Variants in CNBD1 observed in about 807,000 individuals in gnomAD.
CNBD1 encodes cyclic nucleotide binding domain containing 1, also known as cyclic nucleotide-binding domain-containing protein 1.
In CNBD1, 71 loss-of-function variants were observed where a neutral mutation model predicts 54.4. The observed-to-expected ratio is 1.30, with a 90% CI of 1.08 to 1.59. The LOEUF (loss-of-function observed/expected upper bound fraction) is 1.59, where lower values mean the gene tolerates loss of function less well. CNBD1 is among the 40% of genes most tolerant of loss of function. The probability of loss-of-function intolerance (pLI) is 0.00; values close to 1 mark genes in which losing one functional copy is unlikely to be tolerated. For synonymous variants in CNBD1, 182 were observed against 170.7 expected (o/e 1.07, Z -0.51); for missense variants, 659 against 518.0 (o/e 1.27, Z -2.64).
At chr8:87,060,982 C>A (rs762588454) in intron 4 of CNBD1, among the ~76,000 whole-genome samples, 1 of 152,186 alleles carries the variant, frequency 6.6e-6, no homozygotes, top group African/African-American at 2.4e-5. Context: ...CAACTCAGGA[C>A]TGACCCTCAG....
chr8:87,026,364 T>TCTCC (rs376248979), intron 4 of CNBD1, among the ~76,000 whole-genome samples: 45 of 146,494 alleles, frequency 3.1e-4, no homozygotes, highest in African/African-American at 1.1e-3. Flanking sequence ...TCCCTCCCTC[T>TCTCC]CTCCCTCCCT....
chr8:87,052,583 A>G (rs1007935888), intron 4 of CNBD1, among the ~76,000 whole-genome samples: 14 of 152,314 alleles, frequency 9.2e-5, no homozygotes, highest in East Asian at 1.9e-4. Flanking sequence ...CCTGTTGGAA[A>G]TGGAGTTTCT....
chr8:86,914,122 A>G (rs969353481), intron 3 of CNBD1, among the ~76,000 whole-genome samples: 1 of 152,164 alleles, frequency 6.6e-6, no homozygotes, highest in Non-Finnish European at 1.5e-5. Flanking sequence ...GTTCAAACAC[A>G]CATGCTTTAC....
At chr8:87,237,353 A>T (rs1378862448) in intron 6 of CNBD1, 3 of 316,154 alleles carry the variant, frequency 9.5e-6, no homozygotes, top group Non-Finnish European at 1.7e-5. Flanking sequence ...GGTAACAGAC[A>T]AGGTTGATGT....
intron 4 of CNBD1, among the ~76,000 whole-genome samples, chr8:86,995,031 G>C (rs1447289763): frequency 6.6e-6 from 1 of 152,116 alleles, no homozygotes; most frequent in South Asian, 2.1e-4. Flanking sequence ...GGAACAACTT[G>C]TATGAGGATC....
At chr8:87,392,846 C>A (rs781632395) in intron 2 of CNBD1, among the ~76,000 whole-genome samples, 2 of 151,918 alleles carry the variant, frequency 1.3e-5, no homozygotes, top group Non-Finnish European at 2.9e-5. Flanking sequence ...AATATTTTTT[C>A]TAAGAGATGA....
At chr8:87,140,225 C>A (rs954180768) in intron 4 of CNBD1, among the ~76,000 whole-genome samples, 2 of 152,112 alleles carry the variant, frequency 1.3e-5, no homozygotes, top group African/African-American at 2.4e-5. Context: ...CTCTCTCTCT[C>A]TCTCTGTCTC....
chr8:87,079,166 T>G (rs1387121030), intron 4 of CNBD1, among the ~76,000 whole-genome samples: 1 of 152,146 alleles, frequency 6.6e-6, no homozygotes, highest in Non-Finnish European at 1.5e-5. Flanking sequence ...GATTTTAATG[T>G]CATCCAAGTT....
intron 4 of CNBD1, among the ~76,000 whole-genome samples, chr8:87,046,251 A>G (rs927467554): frequency 1.3e-5 from 2 of 152,168 alleles, no homozygotes; most frequent in Non-Finnish European, 2.9e-5. Flanking sequence ...GAGAAATACC[A>G]GCAAATCAAA....
chr8:86,866,661 G>C, intron 1 of CNBD1, 78 bp downstream of exon 1: 1 of 1,009,740 alleles, frequency 9.9e-7, no homozygotes. Context: ...TGAAAATTGG[G>C]GGTATTTCAG....
At chr8:87,037,605 T>A (rs565014151) in intron 4 of CNBD1, among the ~76,000 whole-genome samples, 4 of 152,282 alleles carry the variant, frequency 2.6e-5, no homozygotes, top group Non-Finnish European at 5.9e-5. Context: ...ACTGAATTTA[T>A]ACTTCTACCA....
chr8:87,399,933 G>A (rs891658769), intron 2 of CNBD1, among the ~76,000 whole-genome samples: 4 of 151,962 alleles, frequency 2.6e-5, no homozygotes, highest in East Asian at 1.9e-4. Context: ...AGAAGGAAGA[G>A]CAATGACATC....
At chr8:87,196,211 G>A (rs747711037) in intron 4 of CNBD1, among the ~76,000 whole-genome samples, 2 of 152,190 alleles carry the variant, frequency 1.3e-5, no homozygotes, top group East Asian at 1.9e-4. Flanking sequence ...CTAGGAGGGG[G>A]AACTAAACTT....
At chr8:87,327,245 T>C (rs1378640553) in intron 8 of CNBD1, among the ~76,000 whole-genome samples, 1 of 147,762 alleles carries the variant, frequency 6.8e-6, no homozygotes, top group Admixed American at 6.7e-5. Flanking sequence ...CAGAGGTTAC[T>C]GCTGTCTTTT....
At chr8:87,189,730 C>CAATTTCTGGAAAATTTCTGGAA (rs1813558934) in intron 4 of CNBD1, among the ~76,000 whole-genome samples, 1 of 152,148 alleles carries the variant, frequency 6.6e-6, no homozygotes, top group African/African-American at 2.4e-5. Context: ...TGACCAAACC[C>CAATTTCTGGAAAATTTCTGGAA]AATTTCTGGA....
rs187231182 is a variant in CNBD1, at chr8:87,339,357, A to G, written c.1043-12328A>G. ...AAGCTCCAACAATTTGTCAGTTACA[A>G]TTCAGGTTTCCCTACGCTCGCGTCA... On this transcript the variant is annotated intron_variant, in intron 8 of 10. Transcript: ENST00000518476. Among the ~76,000 whole-genome samples, 593 of 152,214 alleles carry G rather than the reference A, an allele frequency of 3.9e-3. 8 individuals are homozygous for G. The highest frequency in any genetic ancestry group is 0.013 in the African/African-American group (559 of 41,534).
chr8:87,176,768 C>T (rs1813208609), intron 4 of CNBD1, among the ~76,000 whole-genome samples: 2 of 151,780 alleles, frequency 1.3e-5, no homozygotes, highest in Admixed American at 1.3e-4. Flanking sequence ...GGATTACAGG[C>T]GTGAGCCACC....
At chr8:86,913,777 C>T (rs532452613) in intron 3 of CNBD1, among the ~76,000 whole-genome samples, 33 of 152,224 alleles carry the variant, frequency 2.2e-4, no homozygotes, top group Admixed American at 1.4e-3. Context: ...GAGTAGAATT[C>T]GCCAGGCTGG....
intron 4 of CNBD1, among the ~76,000 whole-genome samples, chr8:86,946,233 A>G (rs1369278236): frequency 6.6e-6 from 1 of 152,186 alleles, no homozygotes; most frequent in Non-Finnish European, 1.5e-5. Context: ...AATATATTCA[A>G]GAAAGAATAT....
Sources: gnomAD v4.1 joint callset for allele counts (sites outside exome capture counted in the v4.1 genomes callset) on GRCh38, gnomAD v4.1.1 for gene constraint, MANE v1.5 for transcripts, NCBI Gene and HGNC (gene_info 2026-07-23, HGNC 2026-07-21) for gene names.